Variants in ERBB4 observed in about 807,000 individuals in gnomAD.
ERBB4 encodes receptor tyrosine-protein kinase erbB-4.
A neutral mutation model predicts 158.0 loss-of-function variants in ERBB4; 42 were observed. That is an observed-to-expected ratio of 0.27 (90% CI 0.21 to 0.34). The LOEUF (loss-of-function observed/expected upper bound fraction) is 0.34, where lower values mean the gene tolerates loss of function less well. ERBB4 is among the 10% of genes least tolerant of loss of function. The pLI is 1.00. For missense variants in ERBB4, 1,333 were observed against 1,624.1 expected (o/e 0.82, Z 3.08); for synonymous variants, 583 against 558.7 (o/e 1.04, Z -0.61).
chr2:212,057,357 A>T (rs1264755089), intron 2 of ERBB4, among the ~76,000 whole-genome samples: 2 of 152,184 alleles, frequency 1.3e-5, no homozygotes, highest in African/African-American at 4.8e-5. Context: ...CACTGTCAAC[A>T]TTAGACAGAT....
chr2:212,429,437 C>T (rs113801892), intron 1 of ERBB4, among the ~76,000 whole-genome samples: 18 of 152,238 alleles, frequency 1.2e-4, no homozygotes, highest in African/African-American at 4.1e-4. Flanking sequence ...CTGTCTTCAA[C>T]GGATTATACA....
intron 15 of ERBB4, among the ~76,000 whole-genome samples, chr2:211,661,829 G>A (rs1251570355): frequency 6.6e-6 from 1 of 151,102 alleles, no homozygotes; most frequent in Non-Finnish European, 1.5e-5. Context: ...CACGAGGTCA[G>A]GAGATCGAGA....
At chr2:211,442,346 A>T (rs1422531595) in intron 20 of ERBB4, among the ~76,000 whole-genome samples, 1 of 152,034 alleles carries the variant, frequency 6.6e-6, no homozygotes, top group Non-Finnish European at 1.5e-5. Flanking sequence ...GTCACTCTAC[A>T]ACATAGTGAT....
At position 211,388,732 on chromosome 2, in the gene ERBB4, C is replaced by T. The variant is rs142307875; in HGVS notation, c.3136-740G>A. 4.4e-3 allele frequency among the ~76,000 whole-genome samples: 672 copies of T among 152,040 alleles called. 4 individuals are homozygous for T. Among genetic ancestry groups the T allele is most frequent in the African/African-American group, 0.015 (609 of 41,470 alleles). ...ATACATCTGTATTTTTATAGCTTAA[C>T]GCTCCATCCTATGGGCTAACTGAAA... On this transcript the variant is annotated intron_variant, in intron 25 of 27. Coordinates refer to ENST00000342788, the MANE Select transcript of ERBB4 (RefSeq NM_005235.3).
chr2:212,111,878 CTT>C (rs35564311), intron 2 of ERBB4, among the ~76,000 whole-genome samples: 4 of 150,560 alleles, frequency 2.7e-5, no homozygotes, highest in African/African-American at 4.9e-5. Context: ...ACTATACAAC[CTT>C]TTTTTTTTGC....
intron 20 of ERBB4, among the ~76,000 whole-genome samples, chr2:211,552,174 A>T (rs1387183109): frequency 2.0e-5 from 3 of 152,184 alleles, no homozygotes; most frequent in African/African-American, 4.8e-5. Flanking sequence ...GAAATATGAC[A>T]TGGATATTCA....
intron 2 of ERBB4, among the ~76,000 whole-genome samples, chr2:211,983,530 C>T (rs1420971239): frequency 2.6e-5 from 4 of 152,112 alleles, no homozygotes; most frequent in Non-Finnish European, 5.9e-5. Context: ...TAAAGTACTC[C>T]CATGATTTAT....
chr2:211,969,725 G>C (rs966256600), intron 2 of ERBB4, among the ~76,000 whole-genome samples: 1 of 152,006 alleles, frequency 6.6e-6, no homozygotes, highest in African/African-American at 2.4e-5. Context: ...AGGTATTTCT[G>C]TGGGGTCAGT....
chr2:211,956,092 G>C (rs998107482), intron 2 of ERBB4, among the ~76,000 whole-genome samples: 1 of 150,934 alleles, frequency 6.6e-6, no homozygotes, highest in Non-Finnish European at 1.5e-5. Context: ...TATACAGGTA[G>C]GCTTATATTT....
intron 15 of ERBB4, 184 bp from the exon 16 acceptor site, chr2:211,658,012 T>G (rs1451844409): frequency 5.7e-6 from 9 of 1,584,148 alleles, no homozygotes; most frequent in East Asian, 2.3e-5. Context: ...AAATGCAAAT[T>G]TAAAAAAATA....
At chr2:212,411,338 A>G (rs73062317) in intron 1 of ERBB4, among the ~76,000 whole-genome samples, 8,832 of 152,110 alleles carry the variant, frequency 0.058, 459 homozygotes, top group African/African-American at 0.13. Flanking sequence ...CTACCCAGAG[A>G]CCTCCTATAA....
intron 2 of ERBB4, among the ~76,000 whole-genome samples, chr2:212,018,593 T>C (rs1320373466): frequency 6.6e-6 from 1 of 152,210 alleles, no homozygotes; most frequent in African/African-American, 2.4e-5. Flanking sequence ...GAAAGTTATA[T>C]ACGCTTAAAT....
chr2:211,499,585 C>G (rs1310972728), intron 20 of ERBB4, among the ~76,000 whole-genome samples: 1 of 151,986 alleles, frequency 6.6e-6, no homozygotes, highest in East Asian at 1.9e-4. Context: ...ACTTACAGAT[C>G]TTAAATACTG....
chr2:212,016,238 C>A (rs1278211466), intron 2 of ERBB4, among the ~76,000 whole-genome samples: 2 of 151,208 alleles, frequency 1.3e-5, no homozygotes, highest in East Asian at 3.9e-4. Context: ...GATAATCAGA[C>A]AGAAAAAGGT....
intron 3 of ERBB4, among the ~76,000 whole-genome samples, chr2:211,936,676 A>G (rs907404931): frequency 1.3e-5 from 2 of 152,120 alleles, no homozygotes; most frequent in Non-Finnish European, 2.9e-5. Flanking sequence ...TCTATTTGAC[A>G]TATTATTAAG....
Position 211,984,133 on chromosome 2 carries a change from T to C in ERBB4, c.235-36517A>G, listed in dbSNP as rs367968725. On this transcript the variant is annotated intron_variant, in intron 2 of 27. Coordinates refer to ENST00000342788, the MANE Select transcript of ERBB4 (RefSeq NM_005235.3). The stretch of plus-strand genomic sequence containing the variant: ...GCTGCTTGAGGGCTTGCTTTCTTCA[T>C]CAAAGATGGTACGGATGGTGCCTTC... 3.0e-4 allele frequency among the ~76,000 whole-genome samples: 45 copies of C among 152,260 alleles called. 1 individual carries two copies. In the South Asian group the frequency reaches 9.3e-3, roughly 32 times the overall value.
At chr2:211,832,489 A>G (rs2077242908) in intron 3 of ERBB4, among the ~76,000 whole-genome samples, 1 of 152,054 alleles carries the variant, frequency 6.6e-6, no homozygotes, top group South Asian at 2.1e-4. Flanking sequence ...TATTTTAGAC[A>G]TAATGCATTA....
intron 8 of ERBB4, among the ~76,000 whole-genome samples, chr2:211,712,621 A>T (rs1386064367): frequency 6.6e-6 from 1 of 152,164 alleles, no homozygotes; most frequent in Non-Finnish European, 1.5e-5. Flanking sequence ...GCAATTTTAA[A>T]AACAGTGGTC....
At chr2:211,612,828 A>G (rs1332937665) in intron 19 of ERBB4, among the ~76,000 whole-genome samples, 1 of 152,124 alleles carries the variant, frequency 6.6e-6, no homozygotes, top group Non-Finnish European at 1.5e-5. Context: ...TATAAAAAGA[A>G]GAGGAAATTG....
Sources: gnomAD v4.1 joint callset for allele counts (sites outside exome capture counted in the v4.1 genomes callset) on GRCh38, gnomAD v4.1.1 for gene constraint, MANE v1.5 for transcripts, NCBI Gene and HGNC (gene_info 2026-07-23, HGNC 2026-07-21) for gene names.